DNM3: variants seen among roughly 807,000 people sequenced by gnomAD.
DNM3 encodes the protein dynamin 3.
A neutral mutation model predicts 101.6 loss-of-function variants in DNM3; 47 were observed. The ratio of observed to expected loss-of-function variants is 0.46; its 90% CI spans 0.37 to 0.59. The LOEUF (loss-of-function observed/expected upper bound fraction) is 0.59. DNM3 is among the 20% of genes least tolerant of loss of function. The probability of loss-of-function intolerance (pLI) is 0.00; values close to 1 mark genes in which losing one functional copy is unlikely to be tolerated. For missense variants in DNM3, 849 were observed against 1,085.7 expected (o/e 0.78, Z 3.06); for synonymous variants, 385 against 387.9 (o/e 0.99, Z 0.09).
chr1:171,941,552 G>A (rs2125411445), intron 2 of DNM3, among the ~76,000 whole-genome samples: 1 of 152,284 alleles, frequency 6.6e-6, no homozygotes, highest in East Asian at 1.9e-4. Flanking sequence ...CTTCCTCTTT[G>A]TGCCGCCCCA....
chr1:172,078,179 G>A (rs1299536916), intron 11 of DNM3, among the ~76,000 whole-genome samples: 3 of 152,004 alleles, frequency 2.0e-5, no homozygotes, highest in Admixed American at 6.6e-5. Flanking sequence ...TGCAAGCTCC[G>A]CCTCCTGGGT....
intron 16 of DNM3, among the ~76,000 whole-genome samples, chr1:172,317,789 C>T (rs1450218950): frequency 1.3e-5 from 2 of 152,224 alleles, no homozygotes; most frequent in Non-Finnish European, 2.9e-5. Context: ...GATGGATTCA[C>T]AGCCGAATTC....
intron 20 of DNM3, chr1:172,389,027 G>A (rs2301453): frequency 0.56 from 324,336 of 582,658 alleles, 96,737 homozygotes; most frequent in East Asian, 0.89. Flanking sequence ...AATTGGCACA[G>A]ACTAAATAGG....
intron 2 of DNM3, among the ~76,000 whole-genome samples, chr1:171,975,807 C>T (rs1316417301): frequency 6.6e-6 from 1 of 152,172 alleles, no homozygotes; most frequent in Non-Finnish European, 1.5e-5. Flanking sequence ...GGAGAATTAA[C>T]ATTATCTGAT....
At chr1:172,262,056 A>G (rs970043135) in intron 15 of DNM3, among the ~76,000 whole-genome samples, 4 of 152,154 alleles carry the variant, frequency 2.6e-5, no homozygotes, top group Admixed American at 1.3e-4. Context: ...TGATCCCCAG[A>G]CCACTGGAAA....
chr1:172,336,722 T>C (rs185175670), intron 17 of DNM3, among the ~76,000 whole-genome samples: 1 of 149,084 alleles, frequency 6.7e-6, no homozygotes. Flanking sequence ...AAAAAGTCCC[T>C]CCTCTCAGAT....
At chr1:172,230,553 T>A (rs560146751) in intron 14 of DNM3, among the ~76,000 whole-genome samples, 176 of 152,252 alleles carry the variant, frequency 1.2e-3, no homozygotes, top group African/African-American at 4.2e-3. Flanking sequence ...TGAGAAAAAA[T>A]AAATATAGTA....
chr1:172,174,819 A>T (rs2059098076), intron 14 of DNM3, among the ~76,000 whole-genome samples: 1 of 151,688 alleles, frequency 6.6e-6, no homozygotes, highest in Non-Finnish European at 1.5e-5. Context: ...ATTGAGGGAA[A>T]CTACAATAGG....
At chr1:171,887,011 A>G (rs1017299288) in intron 1 of DNM3, among the ~76,000 whole-genome samples, 6 of 152,228 alleles carry the variant, frequency 3.9e-5, no homozygotes, top group African/African-American at 1.4e-4. Context: ...AAAATCGTCA[A>G]ATACAAGGGC....
Position 172,385,967 on chromosome 1 carries a change from T to A in DNM3, c.2059-1166T>A, listed in dbSNP as rs9425588. ...ACAGTGAGATAATGGGGTAAGGGAA[T>A]GGGCACCGGACTTCAAGTCAGAAGG... On this transcript the variant is annotated intron_variant, in intron 18 of 20. Transcript: ENST00000627582. 2.6e-3 allele frequency among the ~76,000 whole-genome samples: 390 copies of A among 152,340 alleles called. 2 individuals carry two copies. The highest frequency in any genetic ancestry group is 0.01 in the Middle Eastern group (3 of 294).
intron 15 of DNM3, among the ~76,000 whole-genome samples, chr1:172,277,476 G>C (rs982447306): frequency 2.0e-5 from 3 of 152,022 alleles, no homozygotes; most frequent in African/African-American, 7.2e-5. Flanking sequence ...AAGGCAGTGA[G>C]TGTAGGAGTC....
chr1:172,336,700 TAAAA>T (rs71717500), intron 17 of DNM3, among the ~76,000 whole-genome samples: 1 of 138,576 alleles, frequency 7.2e-6, no homozygotes. Context: ...TCTTTACCTT[TAAAA>T]AAAAAAAAAA....
intron 17 of DNM3, among the ~76,000 whole-genome samples, chr1:172,346,753 C>T (rs768439954): frequency 5.3e-5 from 8 of 152,094 alleles, no homozygotes; most frequent in Non-Finnish European, 8.8e-5. Context: ...GAAAATGACA[C>T]GAAAGCAGGA....
intron 14 of DNM3, chr1:172,136,925 G>C (rs141843510): frequency 1.4e-4 from 21 of 151,920 alleles, no homozygotes; most frequent in African/African-American, 3.4e-4. Context: ...TTTGAAAATT[G>C]AGTAAAAAAT....
At chr1:172,297,830 T>C (rs1038571821) in intron 15 of DNM3, among the ~76,000 whole-genome samples, 1 of 152,144 alleles carries the variant, frequency 6.6e-6, no homozygotes, top group Non-Finnish European at 1.5e-5. Context: ...GTACTTTTGA[T>C]GTACATATTT....
rs2057175500 is a variant in DNM3 at position 172,135,551 on chromosome 1, G to A, written c.1659+4263G>A. ...TTTTTTATCCTCTGACTATATATAT[G>A]TGACTTCCTGGATTGAAAATCATTT... On this transcript the variant is annotated intron_variant, in intron 14 of 20. Transcript: ENST00000627582. 1.3e-5 allele frequency among the ~76,000 whole-genome samples: 2 copies of A among 151,766 alleles called. 1 individual carries two copies. Among genetic ancestry groups the A allele is most frequent in the Admixed American group, 1.3e-4 (2 of 15,224 alleles).
chr1:172,053,544 A>G (rs561389989), intron 10 of DNM3, among the ~76,000 whole-genome samples: 9 of 151,948 alleles, frequency 5.9e-5, no homozygotes, highest in Admixed American at 4.6e-4. Context: ...AGCTCCTTTG[A>G]AAAAAAAGGC....
At chr1:172,246,036 G>A (rs1377100193) in intron 14 of DNM3, among the ~76,000 whole-genome samples, 2 of 152,178 alleles carry the variant, frequency 1.3e-5, no homozygotes, top group Admixed American at 6.5e-5. Context: ...CATGGTGGCA[G>A]GAGAGAGAAA....
chr1:171,877,729 T>C (rs2035908064), intron 1 of DNM3, among the ~76,000 whole-genome samples: 1 of 152,246 alleles, frequency 6.6e-6, no homozygotes, highest in African/African-American at 2.4e-5. Flanking sequence ...ACTCTGCTTT[T>C]GATTTTTCTC....
Sources: gnomAD v4.1 joint callset for allele counts (sites outside exome capture counted in the v4.1 genomes callset) on GRCh38, gnomAD v4.1.1 for gene constraint, MANE v1.5 for transcripts, NCBI Gene and HGNC (gene_info 2026-07-23, HGNC 2026-07-21) for gene names.